Variants in ECT2L observed in about 807,000 individuals in gnomAD.
The protein encoded by ECT2L is epithelial cell-transforming sequence 2 oncogene-like.
Under a neutral mutation model 122.8 loss-of-function variants are expected in ECT2L, and 126 were observed. The observed-to-expected ratio is 1.03, with a 90% confidence interval of 0.89 to 1.19. The LOEUF (loss-of-function observed/expected upper bound fraction) is 1.19, where lower values mean the gene tolerates loss of function less well. Among genes scored for constraint, ECT2L ranks in the 50% most tolerant of loss-of-function variants. The probability of loss-of-function intolerance (pLI) is 0.00; values close to 1 mark genes in which losing one functional copy is unlikely to be tolerated. For synonymous variants in ECT2L, 385 were observed against 381.8 expected (o/e 1.01, Z -0.10); for missense variants, 1,012 against 1,064.1 (o/e 0.95, Z 0.68).
chr6:138,889,051 C>G lies in ECT2L; in HGVS notation c.2414+20C>G. 7.0e-7 allele frequency: 1 copy of G among 1,427,352 alleles called. No individual in the cohort carries two copies. The highest frequency in any genetic ancestry group is 9.5e-7 in the Non-Finnish European group (1 of 1,053,136). The allele number at this position is 1,427,352 out of a possible 1,614,324, so 88.4% of individuals were successfully genotyped here. On this transcript the variant is annotated intron_variant, in intron 20 of 21. Transcript: ENST00000541398. ...TTTAAGGTAAACAATAGTTAACTAT[C>G]CTAAGGCTGTGGACACCTTCCAAGC... is the stretch of plus-strand genomic sequence containing the variant.
At chr6:138,814,750 C>CTTG (rs1297782734) in intron 4 of ECT2L, 147 bp downstream of exon 4, 3 of 536,376 alleles carry the variant, frequency 5.6e-6, no homozygotes, top group Non-Finnish European at 9.7e-6. Flanking sequence ...CAGACTTTTC[C>CTTG]AGTGCCTGCT....
At chr6:138,847,909 G>A (rs956364710) in intron 8 of ECT2L, among the ~76,000 whole-genome samples, 3 of 152,146 alleles carry the variant, frequency 2.0e-5, no homozygotes, top group African/African-American at 7.2e-5. Flanking sequence ...AAGGAAAGAG[G>A]TTTAATTAAC....
chr6:138,856,164 A>C (rs1339156531), intron 10 of ECT2L, among the ~76,000 whole-genome samples: 4 of 140,798 alleles, frequency 2.8e-5, no homozygotes, highest in African/African-American at 1.1e-4. Flanking sequence ...AGTATTTGAG[A>C]ACCATTTTCA....
intron 1 of ECT2L, among the ~76,000 whole-genome samples, chr6:138,797,336 A>G (rs566577625): frequency 6.6e-6 from 1 of 152,296 alleles, no homozygotes; most frequent in South Asian, 2.1e-4. Context: ...ATATTTAAGG[A>G]AGTAAATTTT....
intron 4 of ECT2L, among the ~76,000 whole-genome samples, chr6:138,822,459 G>A (rs1263645020): frequency 1.3e-5 from 2 of 152,188 alleles, no homozygotes; most frequent in African/African-American, 4.8e-5. Flanking sequence ...GGAGGCTGAC[G>A]CAGGGGAATT....
intron 12 of ECT2L, among the ~76,000 whole-genome samples, chr6:138,865,672 A>G (rs958339268): frequency 6.6e-6 from 1 of 152,210 alleles, no homozygotes; most frequent in Non-Finnish European, 1.5e-5. Context: ...CCCCAGCCCC[A>G]TGACGGAATG....
At chr6:138,842,644 T>C (rs59841832) in intron 5 of ECT2L, among the ~76,000 whole-genome samples, 8,448 of 149,138 alleles carry the variant, frequency 0.057, 242 homozygotes, top group Non-Finnish European at 0.064. Context: ...TGGTGGCGGG[T>C]GCCTGTAGTC....
Position 138,881,054 on chromosome 6 carries a change from TGA to T in ECT2L, c.1768_1769del (p.Asp590CysfsTer28), listed in dbSNP as rs753389184. ...AAATACGTGCAGATACTGGAAATTG[TGA>T]GAGATGTTTATGTCGCACCACTGAA... is the stretch of plus-strand genomic sequence containing the variant. On this transcript the variant is annotated frameshift_variant, in exon 15 of 22. Transcript: ENST00000541398. LOFTEE classifies it high-confidence loss of function. The T allele has an allele frequency of 4.2e-5, 68 of 1,614,078 alleles. No homozygotes were observed. Among genetic ancestry groups the T allele is most frequent in the South Asian group, 1.9e-4 (17 of 91,082 alleles).
At chr6:138,896,086 T>G (rs202020500) in intron 20 of ECT2L, among the ~76,000 whole-genome samples, 6 of 126,432 alleles carry the variant, frequency 4.7e-5, no homozygotes, top group African/African-American at 2.1e-4. Flanking sequence ...TGATTTTCAT[T>G]GCTGAATTTT....
At chr6:138,838,643 G>T in intron 5 of ECT2L, 129 bp downstream of exon 5, 1 of 863,990 alleles carries the variant, frequency 1.2e-6, no homozygotes, top group Non-Finnish European at 1.6e-6. Flanking sequence ...ACTTACCCTT[G>T]AGAGAAAAAA....
chr6:138,808,783 G>C (rs1222770771), intron 1 of ECT2L, among the ~76,000 whole-genome samples: 2 of 147,492 alleles, frequency 1.4e-5, no homozygotes, highest in South Asian at 2.1e-4. Flanking sequence ...CTGGAGTTCA[G>C]TGGCGCAATC....
chr6:138,806,510 G>GTTTT (rs1562449582), intron 1 of ECT2L, among the ~76,000 whole-genome samples: 2 of 30,888 alleles, frequency 6.5e-5, no homozygotes, highest in Admixed American at 4.3e-4. Context: ...GAAAATTCAC[G>GTTTT]CTTTTTTTTT....
intron 1 of ECT2L, among the ~76,000 whole-genome samples, chr6:138,805,654 C>T (rs113626289): frequency 1.7e-3 from 254 of 152,222 alleles, no homozygotes; most frequent in African/African-American, 5.6e-3. Flanking sequence ...GGTGCTTTGA[C>T]GGGGGTGGCT....
chr6:138,898,880 A>G (rs897892274), intron 20 of ECT2L, among the ~76,000 whole-genome samples: 82 of 152,256 alleles, frequency 5.4e-4, no homozygotes, highest in African/African-American at 1.8e-3. Flanking sequence ...TTTGATATAC[A>G]TACATACTTA....
rs368512332 is a variant in ECT2L at position 138,885,615 on chromosome 6, C to G, written c.2102+36C>G. ...AGGGAGAGCACAGCAGGGGTCCCCC[C>G]AGAGAGGGCATTCCTGGGCCTTCAG... On this transcript the variant is annotated intron_variant, in intron 17 of 21. Coordinates refer to ENST00000541398, the MANE Select transcript of ECT2L (RefSeq NM_001077706.3). The G allele has an allele frequency of 1.1e-5, 18 of 1,614,024 alleles. No individual in the cohort carries two copies. The African/African-American group carries it at 2.3e-4, about 20-fold the overall frequency.
At chr6:138,811,231 G>A (rs1405902893) in intron 1 of ECT2L, among the ~76,000 whole-genome samples, 2 of 152,212 alleles carry the variant, frequency 1.3e-5, no homozygotes, top group East Asian at 1.9e-4. Context: ...CATGTAGCAA[G>A]GAAGGCAAGG....
intron 1 of ECT2L, among the ~76,000 whole-genome samples, chr6:138,804,451 T>A (rs1276636223): frequency 6.6e-6 from 1 of 152,208 alleles, no homozygotes; most frequent in Admixed American, 6.5e-5. Flanking sequence ...AATACCTTTA[T>A]TATCTTATTA....
At chr6:138,865,918 C>T (rs1212419879) in intron 12 of ECT2L, among the ~76,000 whole-genome samples, 1 of 152,164 alleles carries the variant, frequency 6.6e-6, no homozygotes, top group African/African-American at 2.4e-5. Context: ...TGCCCAGCTC[C>T]ATATTTAAGG....
chr6:138,824,308 A>T (rs1282840262), intron 4 of ECT2L, among the ~76,000 whole-genome samples: 1 of 143,732 alleles, frequency 7.0e-6, no homozygotes, highest in South Asian at 2.1e-4. Context: ...AAAAGAAGTT[A>T]AAAAAAAACC....
Sources: allele counts gnomAD v4.1 joint callset (sites outside exome capture counted in the v4.1 genomes callset), GRCh38; gene constraint gnomAD v4.1.1; transcripts MANE v1.5; gene names NCBI Gene and HGNC (gene_info 2026-07-23, HGNC 2026-07-21).